Variants in TBCE observed in about 807,000 individuals in gnomAD.
The protein encoded by TBCE is tubulin-specific chaperone E.
Under a neutral mutation model 77.0 loss-of-function variants are expected in TBCE, and 53 were observed. The observed-to-expected ratio is 0.69, with a 90% CI of 0.55 to 0.87. The LOEUF (loss-of-function observed/expected upper bound fraction) is 0.87. Among genes scored for constraint, TBCE ranks in the 40% least tolerant of loss-of-function variants. The pLI, the probability that TBCE is intolerant of heterozygous loss-of-function variation, is 0.00. For synonymous variants in TBCE, 235 were observed against 241.3 expected, an observed-to-expected ratio of 0.97 and a Z score of 0.24; for missense variants, 624 against 622.4, an observed-to-expected ratio of 1.00 and a Z score of -0.03.
At chr1:235,441,380 T>G in intron 13 of TBCE, 1 of 262,286 alleles carries the variant, frequency 3.8e-6, no homozygotes, top group Non-Finnish European at 7.4e-6. Flanking sequence ...GGATCGTGTC[T>G]CAGGTGGCAC....
intron 7 of TBCE, chr1:235,433,188 C>T: frequency 1.5e-6 from 2 of 1,314,326 alleles, no homozygotes; most frequent in Non-Finnish European, 9.7e-7. Context: ...CAGATGATTC[C>T]ATTCTCTAAT....
intron 11 of TBCE, 34 bp downstream of exon 11, chr1:235,436,642 T>C: frequency 6.3e-7 from 1 of 1,582,248 alleles, no homozygotes; most frequent in Non-Finnish European, 8.7e-7. Context: ...CAGCACACTG[T>C]TGCCTCTTTC....
intron 15 of TBCE, among the ~76,000 whole-genome samples, chr1:235,444,747 G>A (rs879525576): frequency 6.6e-6 from 1 of 152,240 alleles, no homozygotes; most frequent in African/African-American, 2.4e-5. Context: ...CGATGTCTTT[G>A]CGTGTTTCCT....
chr1:235,381,542 G>T (rs11581513), intron 2 of TBCE, among the ~76,000 whole-genome samples: 23,674 of 151,544 alleles, frequency 0.16, 2,470 homozygotes, highest in African/African-American at 0.3. Context: ...AAATTAGCCG[G>T]ATGTGGTGGC....
chr1:235,419,808 C>A (rs187519841), intron 5 of TBCE, among the ~76,000 whole-genome samples: 3 of 147,880 alleles, frequency 2.0e-5, no homozygotes, highest in African/African-American at 7.5e-5. Context: ...GCACACTTGG[C>A]CAGGCGCAGT....
In TBCE at chr1:235,449,038, T is replaced by TTAAA. The variant is rs1156339434; in HGVS notation, c.*279_*282dup. 4 of 354,316 alleles carry TTAAA rather than the reference T, an allele frequency of 1.1e-5. No homozygotes were observed. The highest frequency in any genetic ancestry group is 8.5e-5 in the African/African-American group (4 of 47,256). The allele number at this position is 354,316 out of a possible 1,614,324, so 21.9% of individuals were successfully genotyped here. A position where few individuals can be genotyped will look rare whatever the true frequency, so the allele number is the denominator to read the frequency against. On this transcript the variant is annotated 3_prime_UTR_variant, in exon 17 of 17. Transcript: ENST00000642610. ...TGCATTTCATGATAAGATTTAAATA[T>TTAAA]TAAATAGAAAGAAACTAGCTAGCCT... is the stretch of plus-strand genomic sequence containing the variant.
At chr1:235,395,340 C>T in intron 2 of TBCE, among the ~76,000 whole-genome samples, 1 of 152,140 alleles carries the variant, frequency 6.6e-6, no homozygotes, top group East Asian at 1.9e-4. Context: ...ACCATTTATT[C>T]TCTGTTTGTT....
At chr1:235,395,488 A>T (rs1438459470) in intron 2 of TBCE, among the ~76,000 whole-genome samples, 5 of 143,578 alleles carry the variant, frequency 3.5e-5, no homozygotes, top group African/African-American at 1.3e-4. Flanking sequence ...AACCATTCCC[A>T]CTCTCTCCCC....
Position 235,450,103 on chromosome 1 carries a change from G to A in TBCE, c.*1341G>A. Reference sequence around the variant, plus strand: ...GAAAGTGCCAGTCTGGAACTCTCTTGAAAGACCATACAGTCTACTGCTAAA... The same window carrying A: ...GAAAGTGCCAGTCTGGAACTCTCTTAAAAGACCATACAGTCTACTGCTAAA... On this transcript the variant is annotated 3_prime_UTR_variant, in exon 17 of 17. Coordinates refer to ENST00000642610, the MANE Select transcript of TBCE (RefSeq NM_003193.5). 1 of 1,406,176 alleles carries A rather than the reference G, an allele frequency of 7.1e-7. No individual in the cohort carries two copies. Among genetic ancestry groups the A allele is most frequent in the Non-Finnish European group, 9.9e-7 (1 of 1,014,690 alleles). 87.1% of individuals were successfully genotyped at this position (1,406,176 alleles called of 1,614,324 possible).
chr1:235,394,438 T>TTC (rs1165558716), intron 2 of TBCE, among the ~76,000 whole-genome samples: 1 of 142,572 alleles, frequency 7.0e-6, no homozygotes, highest in African/African-American at 2.6e-5. Context: ...TTTTTTTTTT[T>TTC]TTTTTGAGAC....
At chr1:235,424,167 C>G (rs1167012803) in intron 5 of TBCE, among the ~76,000 whole-genome samples, 1 of 152,142 alleles carries the variant, frequency 6.6e-6, no homozygotes, top group African/African-American at 2.4e-5. Context: ...CACACAATGA[C>G]ACAGCTCTGT....
At chr1:235,441,621 T>C (rs542754809) in intron 13 of TBCE, 193 bp from the exon 14 acceptor site, 53 of 596,332 alleles carry the variant, frequency 8.9e-5, no homozygotes, top group Admixed American at 6.0e-4. Context: ...TCTGGGTAGA[T>C]AGAAGATTCT....
At chr1:235,408,028 C>T (rs903348) in intron 3 of TBCE, among the ~76,000 whole-genome samples, 111,240 of 152,094 alleles carry the variant, frequency 0.73, 41,892 homozygotes, top group African/African-American at 0.92. Flanking sequence ...ATCTTAAAAT[C>T]TGACTTTTCT....
intron 8 of TBCE, among the ~76,000 whole-genome samples, chr1:235,435,012 T>G (rs1161005756): frequency 6.6e-6 from 1 of 152,040 alleles, no homozygotes; most frequent in Non-Finnish European, 1.5e-5. Flanking sequence ...TGTGGGAAAA[T>G]TTACAACAGA....
chr1:235,392,400 ATTTTTTTTTT>A (rs557817776), intron 2 of TBCE, among the ~76,000 whole-genome samples: 3 of 53,996 alleles, frequency 5.6e-5, no homozygotes, highest in African/African-American at 3.7e-4. Context: ...GCTGAACAGA[ATTTTTTTTTT>A]TTTTTTTTTT....
At chr1:235,435,348 G>C (rs138692202) in intron 8 of TBCE, among the ~76,000 whole-genome samples, 2 of 152,032 alleles carry the variant, frequency 1.3e-5, no homozygotes, top group Non-Finnish European at 2.9e-5. Flanking sequence ...TGATCCACCC[G>C]CCTCGGCCTC....
intron 2 of TBCE, among the ~76,000 whole-genome samples, chr1:235,396,711 T>C (rs1045424464): frequency 8.5e-5 from 13 of 152,326 alleles, no homozygotes; most frequent in African/African-American, 3.1e-4. Flanking sequence ...TAGTTTTGAT[T>C]TGCATTTCTC....
chr1:235,448,758 G>A lies in TBCE; in HGVS notation c.1580G>A (p.Trp527Ter), dbSNP rs781200142. The change falls in exon 17 of 17, where the codon TGG becomes TAG. Residue 527 changes from tryptophan to a stop codon, truncating the protein, a stop_gained. Coordinates refer to ENST00000642610, the MANE Select transcript of TBCE (RefSeq NM_003193.5). LOFTEE classifies it high-confidence loss of function. ...AATGGAGATTGTCTATTAGTGCGAT[G>A]GTGACAACCAACTAATAAAATTTAA... Reference protein sequence around the residue: ...VENGDCLLVRW With the variant: ...VENGDCLLVR The A allele has an allele frequency of 1.9e-6, 3 of 1,609,414 alleles. No homozygotes were observed. Among genetic ancestry groups the A allele is most frequent in the Non-Finnish European group, 2.6e-6 (3 of 1,176,086 alleles).
chr1:235,429,440 G>A (rs1223500862), intron 6 of TBCE: 2 of 152,148 alleles, frequency 1.3e-5, no homozygotes, highest in Non-Finnish European at 2.9e-5. Flanking sequence ...CTTATTTTTA[G>A]CCTGACCGTA....
Sources: allele counts gnomAD v4.1 joint callset (sites outside exome capture counted in the v4.1 genomes callset), GRCh38; gene constraint gnomAD v4.1.1; transcripts MANE v1.5; gene names NCBI Gene and HGNC (gene_info 2026-07-23, HGNC 2026-07-21).